The following CXADR variants were observed in gnomAD, a reference collection of about 807,000 sequenced individuals.
The protein encoded by CXADR is coxsackievirus and adenovirus receptor.
Under a neutral mutation model 40.3 loss-of-function variants are expected in CXADR, and 20 were observed. That is an observed-to-expected ratio of 0.50 (90% CI 0.35 to 0.72). CXADR has a LOEUF of 0.72. CXADR is among the 30% of genes least tolerant of loss of function. CXADR has a pLI of 0.01. For missense variants in CXADR, 332 were observed against 449.1 expected, an observed-to-expected ratio of 0.74 and a Z score of 2.36; for synonymous variants, 150 against 161.3, an observed-to-expected ratio of 0.93 and a Z score of 0.53.
intron 3 of CXADR, among the ~76,000 whole-genome samples, chr21:17,552,457 T>G (rs2060980821): frequency 6.6e-6 from 1 of 152,218 alleles, no homozygotes; most frequent in Admixed American, 6.5e-5. Context: ...ACTGATATCT[T>G]ATAGCCCTCT....
intron 6 of CXADR, among the ~76,000 whole-genome samples, chr21:17,564,582 C>T (rs2061177398): frequency 6.6e-6 from 1 of 151,978 alleles, no homozygotes; most frequent in Admixed American, 6.6e-5. Context: ...TGTGGAGGGC[C>T]AGTTGAGCTC....
chr21:17,614,544 A>T, the CXADR span, among the ~76,000 whole-genome samples: 1 of 152,128 alleles, frequency 6.6e-6, no homozygotes. Context: ...GGAGTTCAAG[A>T]CCAACCTGGC....
At chr21:17,518,268 A>G (rs2060486256) in intron 1 of CXADR, among the ~76,000 whole-genome samples, 1 of 152,132 alleles carries the variant, frequency 6.6e-6, no homozygotes, top group Non-Finnish European at 1.5e-5. Context: ...CCCCAAACCA[A>G]AAACAAAAAA....
chr21:17,534,614 A>T (rs893039776), intron 1 of CXADR, among the ~76,000 whole-genome samples: 15 of 152,124 alleles, frequency 9.9e-5, no homozygotes, highest in African/African-American at 3.4e-4. Context: ...ACCTTTTTGT[A>T]TAGAGTTTAG....
At chr21:17,609,118 G>A in the CXADR span, 1 of 1,610,492 alleles carries the variant, frequency 6.2e-7, no homozygotes, top group Non-Finnish European at 8.5e-7. Flanking sequence ...TGAAAAAGAA[G>A]ACAACGGCAG....
chr21:17,600,216 T>G, the CXADR span, among the ~76,000 whole-genome samples: 1 of 152,116 alleles, frequency 6.6e-6, no homozygotes, highest in Non-Finnish European at 1.5e-5. Flanking sequence ...TCAGTGGACA[T>G]AGGAGAAATC....
Position 17,560,879 on chromosome 21 carries a change from C to A in CXADR, c.694+55C>A, listed in dbSNP as rs548052534. On this transcript the variant is annotated intron_variant, in intron 5 of 6. Coordinates refer to ENST00000284878, the MANE Select transcript of CXADR (RefSeq NM_001338.5). ...TGTTTCTGTTATCTTTATACCACCT[C>A]CTTTAGTTCAGTCAGCAAGTGTGTA... 3.1e-6 allele frequency: 5 copies of A among 1,600,084 alleles called. No homozygotes were observed. The Admixed American group carries it at 5.1e-5, about 16-fold the overall frequency.
the CXADR span, among the ~76,000 whole-genome samples, chr21:17,618,000 A>G: frequency 6.6e-6 from 1 of 152,164 alleles, no homozygotes; most frequent in Admixed American, 6.5e-5. Flanking sequence ...TCTAAATTCT[A>G]TGTTGTCATT....
chr21:17,524,028 TTGTG>T (rs531486507), intron 1 of CXADR, among the ~76,000 whole-genome samples: 5 of 148,796 alleles, frequency 3.4e-5, no homozygotes, highest in African/African-American at 1.3e-4. Flanking sequence ...CCAGGCGATT[TTGTG>T]TGTGTGTGTG....
chr21:17,536,621 G>C (rs2060761324), intron 1 of CXADR, among the ~76,000 whole-genome samples: 1 of 152,126 alleles, frequency 6.6e-6, no homozygotes, highest in South Asian at 2.1e-4. Context: ...TTCACTTCCA[G>C]TTAAGTTAGT....
At chr21:17,522,598 C>T (rs887074759) in intron 1 of CXADR, among the ~76,000 whole-genome samples, 2 of 152,170 alleles carry the variant, frequency 1.3e-5, no homozygotes, top group Non-Finnish European at 2.9e-5. Flanking sequence ...CTGTAGATTG[C>T]AGTTGACACT....
intron 2 of CXADR, among the ~76,000 whole-genome samples, chr21:17,551,392 CAAAAA>C (rs58473716): frequency 0.038 from 5,752 of 152,108 alleles, 358 homozygotes; most frequent in African/African-American, 0.13. Context: ...GACTCCACCT[CAAAAA>C]GAAAAGAAAA....
chr21:17,610,521 A>G, the CXADR span, among the ~76,000 whole-genome samples: 1 of 152,240 alleles, frequency 6.6e-6, no homozygotes, highest in African/African-American at 2.4e-5. Flanking sequence ...TCAGAGATTT[A>G]GCTACATTTT....
intron 1 of CXADR, among the ~76,000 whole-genome samples, chr21:17,545,656 A>G (rs2060887075): frequency 6.6e-6 from 1 of 151,792 alleles, no homozygotes; most frequent in Admixed American, 6.6e-5. Context: ...AAGTTATGTA[A>G]TTTTAAGACG....
chr21:17,536,131 T>G (rs891861526), intron 1 of CXADR, among the ~76,000 whole-genome samples: 1 of 152,240 alleles, frequency 6.6e-6, no homozygotes, highest in African/African-American at 2.4e-5. Flanking sequence ...TTCCTTTATT[T>G]CATCCTAGAG....
intron 1 of CXADR, among the ~76,000 whole-genome samples, chr21:17,541,617 AT>A (rs35505180): frequency 0.82 from 114,006 of 138,892 alleles, 46,690 homozygotes; most frequent in South Asian, 0.87. Context: ...GCATCTGTTG[AT>A]TTTTTTTTTT....
At chr21:17,604,739 T>TGA in the CXADR span, 2 of 1,226,808 alleles carry the variant, frequency 1.6e-6, no homozygotes, top group East Asian at 5.1e-5. Context: ...AATTTACATC[T>TGA]GAGAGAGTTA....
intron 7 of CXADR, among the ~76,000 whole-genome samples, chr21:17,578,104 A>ATTTGCAGGGC (rs1317215272): frequency 8.5e-5 from 13 of 152,264 alleles, no homozygotes; most frequent in Middle Eastern, 3.4e-3. Flanking sequence ...TAGCCCTTCA[A>ATTTGCAGGGC]TATCTTAATT....
chr21:17,517,437 A>G (rs1454480531), intron 1 of CXADR, among the ~76,000 whole-genome samples: 2 of 152,128 alleles, frequency 1.3e-5, no homozygotes, highest in South Asian at 4.2e-4. Flanking sequence ...GGTTGAGGAA[A>G]TCCTCCTAGG....
Sources: gnomAD v4.1 joint callset for allele counts (sites outside exome capture counted in the v4.1 genomes callset) on GRCh38, gnomAD v4.1.1 for gene constraint, MANE v1.5 for transcripts, NCBI Gene and HGNC (gene_info 2026-07-23, HGNC 2026-07-21) for gene names.